AGBL1: variants seen among roughly 807,000 people sequenced by gnomAD.
The protein encoded by AGBL1 is cytosolic carboxypeptidase 4.
AGBL1 carries 130 observed loss-of-function variants against 118.9 expected under a neutral mutation model. The observed-to-expected ratio is 1.09, with a 90% CI of 0.95 to 1.26. The LOEUF (loss-of-function observed/expected upper bound fraction) is 1.26. AGBL1 is among the 50% of genes most tolerant of loss of function. The probability of loss-of-function intolerance (pLI) is 0.00; values close to 1 mark genes in which losing one functional copy is unlikely to be tolerated. For synonymous variants in AGBL1, 555 were observed against 478.9 expected (o/e 1.16, Z -2.08); for missense variants, 1,584 against 1,298.1 (o/e 1.22, Z -3.38).
At chr15:86,101,042 A>G (rs887262000) in intron 1 of AGBL1, among the ~76,000 whole-genome samples, 7 of 152,140 alleles carry the variant, frequency 4.6e-5, no homozygotes, top group Non-Finnish European at 1.0e-4. Context: ...GCTGTGTGCA[A>G]TAGATTTTGG....
chr15:86,781,129 CTTTGAAATAACATAG>C lies in AGBL1; in HGVS notation c.3158+106694_3158+106708del, dbSNP rs142926901. Among the ~76,000 whole-genome samples, 1,267 of 152,026 alleles carry C rather than the reference CTTTGAAATAACATAG, an allele frequency of 8.3e-3. 6 individuals are homozygous for C. Among genetic ancestry groups the C allele is most frequent in the Middle Eastern group, 0.048 (14 of 294 alleles). On this transcript the variant is annotated intron_variant, in intron 22 of 22. Coordinates refer to ENST00000614907, the MANE Select transcript of AGBL1 (RefSeq NM_001386094.1). ...TTAATTCTGTATTATGTTCATTTCT[CTTTGAAATAACATAG>C]AGATGAATTTTTTTTCAAGTTCTCT...
At chr15:86,727,090 C>G (rs372106768) in intron 22 of AGBL1, among the ~76,000 whole-genome samples, 1 of 152,172 alleles carries the variant, frequency 6.6e-6, no homozygotes, top group Non-Finnish European at 1.5e-5. Context: ...AAGAAAGTGT[C>G]AGGCAGTACT....
At chr15:86,826,277 C>A (rs2079012047) in intron 22 of AGBL1, among the ~76,000 whole-genome samples, 1 of 151,910 alleles carries the variant, frequency 6.6e-6, no homozygotes, top group Admixed American at 6.6e-5. Flanking sequence ...CTAACTGTTG[C>A]CAGAGAGTAG....
chr15:86,871,540 TCTC>T (rs1476921564), intron 22 of AGBL1, among the ~76,000 whole-genome samples: 1 of 152,142 alleles, frequency 6.6e-6, no homozygotes, highest in Non-Finnish European at 1.5e-5. Flanking sequence ...CCTCAGGCTC[TCTC>T]CTCCTTCTAC....
At chr15:86,619,877 C>T (rs1220433109) in intron 21 of AGBL1, among the ~76,000 whole-genome samples, 3 of 152,190 alleles carry the variant, frequency 2.0e-5, no homozygotes, top group Admixed American at 1.3e-4. Flanking sequence ...TACATGCACA[C>T]GCAGAGAGAG....
intron 23 of AGBL1, among the ~76,000 whole-genome samples, chr15:86,964,713 G>C (rs558557852): frequency 6.6e-6 from 1 of 151,044 alleles, no homozygotes; most frequent in South Asian, 2.1e-4. Flanking sequence ...AGGTATACAC[G>C]TGCAATGGTG....
chr15:87,018,895 G>T (rs75367385), intron 24 of AGBL1, among the ~76,000 whole-genome samples: 2,331 of 152,052 alleles, frequency 0.015, 66 homozygotes, highest in African/African-American at 0.054. Flanking sequence ...CACATGCAAA[G>T]AAACACATAG....
rs76402499 is a variant in AGBL1, at chr15:86,597,250, A to T, written c.2994+42713A>T. Among the ~76,000 whole-genome samples, 890 of 151,890 alleles carry T rather than the reference A, an allele frequency of 5.9e-3. 7 individuals carry two copies. Among genetic ancestry groups the T allele is most frequent in the African/African-American group, 0.02 (824 of 41,394 alleles). ...TCTGTCTATCTGTTTTTGAGCATTTACTCTTTATTTACTCTGTCAGAAATA... is the reference window on the plus strand; with the variant it reads ...TCTGTCTATCTGTTTTTGAGCATTTTCTCTTTATTTACTCTGTCAGAAATA... On this transcript the variant is annotated intron_variant, in intron 21 of 22. Coordinates refer to ENST00000614907, the MANE Select transcript of AGBL1 (RefSeq NM_001386094.1).
chr15:86,217,882 TGTGAGG>T (rs2078215827), intron 5 of AGBL1, among the ~76,000 whole-genome samples: 1 of 152,158 alleles, frequency 6.6e-6, no homozygotes, highest in African/African-American at 2.4e-5. Flanking sequence ...GGGGTAGCAA[TGTGAGG>T]GTGCTCAAAT....
rs567103907 is a variant in AGBL1, at chr15:86,561,518, T to C, written c.2994+6981T>C. On this transcript the variant is annotated intron_variant, in intron 21 of 22. Coordinates refer to ENST00000614907, the MANE Select transcript of AGBL1 (RefSeq NM_001386094.1). ...GTGCTGTTCCATTGGTCTATATATCTTTTTTGGTACCAGTACCATGCTGTT... is the reference window on the plus strand; with the variant it reads ...GTGCTGTTCCATTGGTCTATATATCCTTTTTGGTACCAGTACCATGCTGTT... Among the ~76,000 whole-genome samples the C allele has an allele frequency of 3.1e-3, 469 of 152,340 alleles. 2 individuals are homozygous for C. Among genetic ancestry groups the C allele is most frequent in the Non-Finnish European group, 5.2e-3 (352 of 68,028 alleles).
intron 22 of AGBL1, among the ~76,000 whole-genome samples, chr15:86,853,101 T>C (rs1359460687): frequency 1.3e-5 from 2 of 152,158 alleles, no homozygotes; most frequent in African/African-American, 4.8e-5. Flanking sequence ...TCACAATATC[T>C]GGGGTGGGGC....
intron 5 of AGBL1, among the ~76,000 whole-genome samples, chr15:86,196,159 T>C (rs80053996): frequency 0.013 from 1,962 of 152,338 alleles, 27 homozygotes; most frequent in East Asian, 0.074. Context: ...TTATGATGAC[T>C]TTGGCCGCAT....
intron 22 of AGBL1, among the ~76,000 whole-genome samples, chr15:86,834,004 A>T (rs572982970): frequency 2.0e-5 from 3 of 152,138 alleles, no homozygotes; most frequent in African/African-American, 7.2e-5. Context: ...TACAACTCTC[A>T]TAAGCCCATA....
chr15:86,140,425 G>A (rs1735961445), intron 1 of AGBL1, among the ~76,000 whole-genome samples: 1 of 152,010 alleles, frequency 6.6e-6, no homozygotes, highest in East Asian at 1.9e-4. Flanking sequence ...CCTCCTTGGA[G>A]TTCTTTTTGG....
intron 17 of AGBL1, among the ~76,000 whole-genome samples, chr15:86,321,897 AC>A (rs1450418666): frequency 6.6e-6 from 1 of 151,932 alleles, no homozygotes; most frequent in African/African-American, 2.4e-5. Context: ...ACTTTTTTTA[AC>A]CCATGAATTA....
intron 19 of AGBL1, among the ~76,000 whole-genome samples, chr15:86,535,967 A>G (rs529132966): frequency 6.6e-6 from 1 of 152,160 alleles, no homozygotes; most frequent in Admixed American, 6.5e-5. Flanking sequence ...CTTTTTTTAC[A>G]TTTGAGGATA....
chr15:86,738,249 G>A, intron 22 of AGBL1, among the ~76,000 whole-genome samples: 1 of 152,156 alleles, frequency 6.6e-6, no homozygotes, highest in Non-Finnish European at 1.5e-5. Context: ...AAGGTCCTAT[G>A]TGACAATTAC....
At chr15:86,840,402 C>T (rs1025690427) in intron 22 of AGBL1, among the ~76,000 whole-genome samples, 3 of 152,140 alleles carry the variant, frequency 2.0e-5, no homozygotes, top group African/African-American at 7.2e-5. Flanking sequence ...CCAAAAGATG[C>T]AACCCAGGAT....
intron 22 of AGBL1, among the ~76,000 whole-genome samples, chr15:86,835,261 C>G (rs547607428): frequency 5.9e-4 from 89 of 151,610 alleles, no homozygotes; most frequent in African/African-American, 2.1e-3. Context: ...CCTAGATCAG[C>G]CTGGCTTAAA....
Sources: gnomAD v4.1 joint callset for allele counts (sites outside exome capture counted in the v4.1 genomes callset) on GRCh38, gnomAD v4.1.1 for gene constraint, MANE v1.5 for transcripts, NCBI Gene and HGNC (gene_info 2026-07-23, HGNC 2026-07-21) for gene names.